Variants in TDRD5 observed in about 807,000 individuals in gnomAD.
TDRD5 encodes the protein tudor domain containing 5.
In TDRD5, 41 loss-of-function variants were observed where a neutral mutation model predicts 120.6. That is an observed-to-expected ratio of 0.34 (90% CI 0.26 to 0.44). TDRD5 has a LOEUF of 0.44. TDRD5 is among the 20% of genes least tolerant of loss of function. TDRD5 has a pLI of 1.00. For synonymous variants in TDRD5, 430 were observed against 433.7 expected (o/e 0.99, Z 0.11); for missense variants, 1,006 against 1,221.2 (o/e 0.82, Z 2.63).
chr1:179,624,818 A>G (rs1052907916), intron 6 of TDRD5, among the ~76,000 whole-genome samples: 1 of 152,200 alleles, frequency 6.6e-6, no homozygotes, highest in South Asian at 2.1e-4. Flanking sequence ...TGATAACATT[A>G]ATGTATGGAT....
In TDRD5 at chr1:179,690,943, A is replaced by AGG; in HGVS notation, c.*2_*3dup. On this transcript the variant is annotated 3_prime_UTR_variant, in exon 18 of 18. Transcript: ENST00000444136. The stretch of plus-strand genomic sequence containing the variant: ...CCAGTGTGAAAAGGATGGAAGCATG[A>AGG]GGGAGGGAGGGAGGAGGGAGAAAAA... 6.3e-7 allele frequency: 1 copy of AGG among 1,598,174 alleles called. No individual in the cohort carries two copies. Among genetic ancestry groups the AGG allele is most frequent in the African/African-American group, 1.3e-5 (1 of 74,546 alleles).
Position 179,592,849 on chromosome 1 carries a change from T to C in TDRD5, c.232+2T>C, listed in dbSNP as rs759284862. On this transcript the variant is annotated splice_donor_variant, in intron 2 of 17. Transcript: ENST00000444136. LOFTEE classifies it high-confidence loss of function. ...CAGGTGGTACTGTAATACTGAAAGG[T>C]AGGTTTAAGATTTTTGAAGGTCTAT... The C allele has an allele frequency of 6.2e-7, 1 of 1,613,788 alleles. No homozygotes were observed. Among genetic ancestry groups the C allele is most frequent in the South Asian group, 1.1e-5 (1 of 91,032 alleles).
In TDRD5 at chr1:179,662,265, A is replaced by T. The variant is rs750317948; in HGVS notation, c.2484A>T (p.Ser828=). Reference sequence around the variant, plus strand: ...TTGGTGGAAAGAATCAGTATTCATCATGTAAAGAAATGCCACAGAAGGTTA... The same window carrying T: ...TTGGTGGAAAGAATCAGTATTCATCTTGTAAAGAAATGCCACAGAAGGTTA... ...ASLGGKNQYS[S]CKEMPQKDWC... Residue 828 remains serine, a synonymous_variant, in exon 15 of 18, where the codon TCA becomes TCT. Transcript: ENST00000444136. 9.3e-6 allele frequency: 15 copies of T among 1,606,562 alleles called. No individual in the cohort carries two copies. The highest frequency in any genetic ancestry group is 2.2e-5 in the South Asian group (2 of 89,782).
chr1:179,640,056 G>C lies in TDRD5; in HGVS notation c.1733+5G>C. 1 of 1,613,696 alleles carries C rather than the reference G, an allele frequency of 6.2e-7. No individual in the cohort carries two copies. Among genetic ancestry groups the C allele is most frequent in the Non-Finnish European group, 8.5e-7 (1 of 1,179,720 alleles). On this transcript the variant is annotated splice_donor_5th_base_variant and intron_variant, in intron 10 of 17. Coordinates refer to ENST00000444136, the MANE Select transcript of TDRD5 (RefSeq NM_001199085.3). The stretch of plus-strand genomic sequence containing the variant: ...GTCCTCCCTGAGGTTCCTCAAGTGA[G>C]TTGAATTGAATTAGAACAATGGATG...
rs192460059 is a variant in TDRD5, at chr1:179,632,294, C to G, written c.1126+1374C>G. On this transcript the variant is annotated intron_variant, in intron 7 of 17. Transcript: ENST00000444136. Reference sequence around the variant, plus strand: ...AAATAATACACTATGATACCATGTACCTTTTACCTAGTTTCTCCAATGGCA... The same window carrying G: ...AAATAATACACTATGATACCATGTAGCTTTTACCTAGTTTCTCCAATGGCA... 2.7e-3 allele frequency among the ~76,000 whole-genome samples: 404 copies of G among 152,114 alleles called. 10 individuals carry two copies. The highest frequency in any genetic ancestry group is 0.026 in the Admixed American group (398 of 15,278).
intron 4 of TDRD5, among the ~76,000 whole-genome samples, chr1:179,597,503 T>G (rs979227550): frequency 2.6e-5 from 4 of 151,968 alleles, no homozygotes; most frequent in African/African-American, 9.7e-5. Flanking sequence ...GGCTAATTTT[T>G]GTATTTTTAT....
At chr1:179,594,561 G>C (rs561801948) in intron 3 of TDRD5, among the ~76,000 whole-genome samples, 2 of 152,376 alleles carry the variant, frequency 1.3e-5, no homozygotes, top group East Asian at 3.9e-4. Flanking sequence ...AAAGGCTCAA[G>C]AGACCAGTGT....
At chr1:179,628,351 A>G (rs1459496122) in intron 6 of TDRD5, among the ~76,000 whole-genome samples, 63 of 73,968 alleles carry the variant, frequency 8.5e-4, no homozygotes, top group African/African-American at 3.9e-3. Flanking sequence ...TTTTTTTTTT[A>G]AGACGGGGTC....
At chr1:179,680,706 G>A (rs776539556) in intron 17 of TDRD5, among the ~76,000 whole-genome samples, 2 of 152,148 alleles carry the variant, frequency 1.3e-5, no homozygotes, top group Non-Finnish European at 2.9e-5. Flanking sequence ...GCTCACGCCT[G>A]TAATCCCAGC....
intron 17 of TDRD5, among the ~76,000 whole-genome samples, chr1:179,677,559 GTTCTC>G (rs941214233): frequency 1.5e-4 from 23 of 152,208 alleles, no homozygotes; most frequent in African/African-American, 5.5e-4. Context: ...TTGATGTGGT[GTTCTC>G]TTCTTTCCCC....
intron 4 of TDRD5, among the ~76,000 whole-genome samples, chr1:179,617,614 T>C (rs1676627818): frequency 6.6e-6 from 1 of 152,130 alleles, no homozygotes; most frequent in African/African-American, 2.4e-5. Flanking sequence ...TTTATATCTT[T>C]GTGACTTAAC....
intron 9 of TDRD5, among the ~76,000 whole-genome samples, chr1:179,639,549 T>C (rs1246637743): frequency 6.6e-6 from 1 of 152,198 alleles, no homozygotes; most frequent in Non-Finnish European, 1.5e-5. Flanking sequence ...GTCTTAAAAC[T>C]AATTTATCCT....
chr1:179,682,860 C>T (rs1425837338), intron 17 of TDRD5, among the ~76,000 whole-genome samples: 1 of 152,110 alleles, frequency 6.6e-6, no homozygotes, highest in Non-Finnish European at 1.5e-5. Context: ...CTGGTGAGAA[C>T]ACAAACTGTT....
rs1676813422 is a variant in TDRD5 at position 179,621,025 on chromosome 1, T to A, written c.916-10T>A. The A allele has an allele frequency of 6.3e-7, 1 of 1,592,792 alleles. No individual in the cohort carries two copies. Among genetic ancestry groups the A allele is most frequent in the Non-Finnish European group, 8.5e-7 (1 of 1,171,562 alleles). ...TGTGTCTATATTGTATTTCACTTTC[T>A]ATTTGTTAGGTTGTATCTAAGTTCC... is the stretch of plus-strand genomic sequence containing the variant. On this transcript the variant is annotated splice_polypyrimidine_tract_variant and intron_variant, in intron 5 of 17. Coordinates refer to ENST00000444136, the MANE Select transcript of TDRD5 (RefSeq NM_001199085.3).
At chr1:179,665,867 TCAAAA>T (rs1036027129) in intron 16 of TDRD5, among the ~76,000 whole-genome samples, 2 of 152,150 alleles carry the variant, frequency 1.3e-5, no homozygotes, top group Non-Finnish European at 2.9e-5. Context: ...TATCCCTTAT[TCAAAA>T]GGCTTGGGAC....
intron 13 of TDRD5, among the ~76,000 whole-genome samples, chr1:179,652,832 T>C (rs1678794005): frequency 6.6e-6 from 1 of 152,216 alleles, no homozygotes; most frequent in South Asian, 2.1e-4. Flanking sequence ...CCTAACCTCA[T>C]ATGACAGGTT....
intron 17 of TDRD5, among the ~76,000 whole-genome samples, chr1:179,679,445 A>G (rs1282609253): frequency 6.6e-6 from 1 of 152,080 alleles, no homozygotes; most frequent in Non-Finnish European, 1.5e-5. Flanking sequence ...TGTGGAATTG[A>G]TATTATTTCT....
At chr1:179,677,727 A>G (rs918148042) in intron 17 of TDRD5, among the ~76,000 whole-genome samples, 14 of 152,278 alleles carry the variant, frequency 9.2e-5, no homozygotes, top group Non-Finnish European at 1.6e-4. Flanking sequence ...TTGCAGCCAT[A>G]GATACCAGCA....
chr1:179,630,042 C>A (rs371709837), intron 6 of TDRD5, among the ~76,000 whole-genome samples: 2 of 148,680 alleles, frequency 1.3e-5, no homozygotes, highest in Admixed American at 6.8e-5. Context: ...TGCAGTGGTG[C>A]GATCTTGGCT....
Sources: gnomAD v4.1 joint callset for allele counts (sites outside exome capture counted in the v4.1 genomes callset) on GRCh38, gnomAD v4.1.1 for gene constraint, MANE v1.5 for transcripts, NCBI Gene and HGNC (gene_info 2026-07-23, HGNC 2026-07-21) for gene names.